FAM53A: variants seen among roughly 807,000 people sequenced by gnomAD.
FAM53A encodes the protein protein FAM53A.
A neutral mutation model predicts 26.6 loss-of-function variants in FAM53A; 28 were observed. That is an observed-to-expected ratio of 1.05 (90% CI 0.78 to 1.45). The LOEUF is 1.45. Among genes scored for constraint, FAM53A ranks in the 40% most tolerant of loss-of-function variants. The pLI, the probability that FAM53A is intolerant of heterozygous loss-of-function variation, is 0.00. For missense variants in FAM53A, 650 were observed against 575.8 expected (o/e 1.13, Z -1.32); for synonymous variants, 290 against 253.1 (o/e 1.15, Z -1.38).
At chr4:1,604,134 C>T in the FAM53A span, among the ~76,000 whole-genome samples, 2 of 152,184 alleles carry the variant, frequency 1.3e-5, no homozygotes, top group Admixed American at 1.3e-4. Context: ...TTGGGGTGGA[C>T]AGGACCCGAG....
At chr4:1,660,155 T>C (rs370403795) in intron 2 of FAM53A, among the ~76,000 whole-genome samples, 1 of 151,912 alleles carries the variant, frequency 6.6e-6, no homozygotes, top group African/African-American at 2.4e-5. Context: ...TGGTGGTGGG[T>C]GCCTGTAATC....
At chr4:1,631,493 G>A (rs758371023) in intron 1 of FAM53A, among the ~76,000 whole-genome samples, 15 of 152,128 alleles carry the variant, frequency 9.9e-5, no homozygotes, top group East Asian at 1.9e-4. Context: ...TGTGTCCCCC[G>A]CTGCCTGGGA....
At chr4:1,593,752 A>G in the FAM53A span, among the ~76,000 whole-genome samples, 2 of 152,096 alleles carry the variant, frequency 1.3e-5, no homozygotes, top group Non-Finnish European at 2.9e-5. Flanking sequence ...ATTCCTGACA[A>G]TTCACTTGTC....
chr4:1,627,116 G>A (rs567190233), intron 1 of FAM53A, among the ~76,000 whole-genome samples: 3 of 152,274 alleles, frequency 2.0e-5, no homozygotes, highest in Admixed American at 6.5e-5. Flanking sequence ...CCCCCAGGTC[G>A]GCCCCCAGGA....
the FAM53A span, among the ~76,000 whole-genome samples, chr4:1,611,236 T>C: frequency 1.3e-5 from 2 of 152,160 alleles, no homozygotes; most frequent in Non-Finnish European, 2.9e-5. Context: ...AGCTCAGTCC[T>C]TGGAGCACTG....
chr4:1,643,235 G>C (rs1014230444), intron 4 of FAM53A, among the ~76,000 whole-genome samples: 1 of 152,144 alleles, frequency 6.6e-6, no homozygotes, highest in Non-Finnish European at 1.5e-5. Flanking sequence ...GGGAGGCCGG[G>C]GCGGGCGGAT....
At position 1,647,655 on chromosome 4, in the gene FAM53A, G is replaced by A. The variant is rs563346771; in HGVS notation, c.883-6048C>T. On this transcript the variant is annotated intron_variant, in intron 4 of 4. Coordinates refer to ENST00000308132, the MANE Select transcript of FAM53A (RefSeq NM_001174070.3). The stretch of plus-strand genomic sequence containing the variant: ...GGGCTGCGCATACCGAGTCCGCCAG[G>A]TGCAAGCACAGCACAGCCGGGGTGC... Among the ~76,000 whole-genome samples, 94 of 152,378 alleles carry A rather than the reference G, an allele frequency of 6.2e-4. 1 individual carries two copies. Among genetic ancestry groups the A allele is most frequent in the Admixed American group, 5.2e-3 (79 of 15,308 alleles).
At chr4:1,581,506 C>T in the FAM53A span, among the ~76,000 whole-genome samples, 5 of 152,358 alleles carry the variant, frequency 3.3e-5, no homozygotes, top group East Asian at 9.6e-4. Flanking sequence ...TTCTCTTCCT[C>T]GTGGTCCTGC....
At chr4:1,644,356 ACAG>A (rs1386348687) in intron 4 of FAM53A, 2 of 1,535,560 alleles carry the variant, frequency 1.3e-6, no homozygotes, top group South Asian at 1.2e-5. Flanking sequence ...GAGCGTGAAA[ACAG>A]CAGGCTCTGA....
chr4:1,623,286 G>A (rs758742397), intron 1 of FAM53A, among the ~76,000 whole-genome samples: 16 of 152,296 alleles, frequency 1.1e-4, no homozygotes, highest in African/African-American at 2.4e-4. Flanking sequence ...CAGCTGCTCC[G>A]TCCTGGGCAG....
chr4:1,658,019 GTC>G (rs1553808428), intron 2 of FAM53A, among the ~76,000 whole-genome samples: 2 of 148,108 alleles, frequency 1.4e-5, no homozygotes, highest in Non-Finnish European at 3.0e-5. Context: ...CTTTTTTTTT[GTC>G]TGTTTTTGAG....
chr4:1,644,337 G>A, intron 4 of FAM53A: 2 of 1,535,914 alleles, frequency 1.3e-6, no homozygotes, highest in Non-Finnish European at 8.7e-7. Flanking sequence ...GGGCACAGCT[G>A]TGCGGCTAGA....
chr4:1,670,025 G>A (rs1287293198), intron 1 of FAM53A, among the ~76,000 whole-genome samples: 3 of 152,200 alleles, frequency 2.0e-5, no homozygotes, highest in Non-Finnish European at 2.9e-5. Flanking sequence ...AAGGCAACCC[G>A]TAGGCAGCAC....
intron 1 of FAM53A, among the ~76,000 whole-genome samples, chr4:1,674,219 C>T (rs923324614): frequency 6.6e-6 from 1 of 152,166 alleles, no homozygotes; most frequent in African/African-American, 2.4e-5. Flanking sequence ...CAGTTCCTGG[C>T]TTATAGCTGT....
At chr4:1,596,905 C>T in the FAM53A span, among the ~76,000 whole-genome samples, 5 of 152,046 alleles carry the variant, frequency 3.3e-5, no homozygotes, top group Admixed American at 6.5e-5. Context: ...GAGGGAGAAA[C>T]GGAGGAGAGG....
Position 1,641,611 on chromosome 4 carries a change from C to T in FAM53A, c.883-4G>A. The T allele has an allele frequency of 1.9e-6, 3 of 1,613,948 alleles. No homozygotes were observed. Among genetic ancestry groups the T allele is most frequent in the East Asian group, 2.2e-5 (1 of 44,878 alleles). ...GGCTTTTTGAATTTTTTAAAGTCTG[C>T]AATAGAAAAGATACGGGCTTAAAGC... On this transcript the variant is annotated splice_region_variant and splice_polypyrimidine_tract_variant and intron_variant, in intron 4 of 4. Coordinates refer to ENST00000308132, the MANE Select transcript of FAM53A (RefSeq NM_001174070.3).
At chr4:1,680,229 G>A (rs1283957021) in intron 1 of FAM53A, among the ~76,000 whole-genome samples, 1 of 138,718 alleles carries the variant, frequency 7.2e-6, no homozygotes, top group Non-Finnish European at 1.5e-5. Flanking sequence ...TGAGGCAGGA[G>A]AATCATTTGA....
rs371267699 is a variant in FAM53A at position 1,659,343 on chromosome 4, G to A, written c.76-1875C>T. Among the ~76,000 whole-genome samples, 2 of 152,340 alleles carry A rather than the reference G, an allele frequency of 1.3e-5. No individual in the cohort carries two copies. Among genetic ancestry groups the A allele is most frequent in the African/African-American group, 2.4e-5 (1 of 41,570 alleles). On this transcript the variant is annotated intron_variant, in intron 2 of 4. Coordinates refer to ENST00000308132, the MANE Select transcript of FAM53A (RefSeq NM_001174070.3). The surrounding 1 kb of genome is among the most constrained non-coding windows in gnomAD (Gnocchi z 5.2). ...GATCCTCCCAGCCCCGGGCCTCCCCGCAGCAAGCACCAGGACCTCGCTCTC... is the reference window on the plus strand; with the variant it reads ...GATCCTCCCAGCCCCGGGCCTCCCCACAGCAAGCACCAGGACCTCGCTCTC...
the FAM53A span, among the ~76,000 whole-genome samples, chr4:1,600,565 G>A: frequency 6.6e-6 from 1 of 152,210 alleles, no homozygotes; most frequent in Non-Finnish European, 1.5e-5. Context: ...CGGCCAGGGT[G>A]AGCAAGAAAG....
Sources: allele counts gnomAD v4.1 joint callset (sites outside exome capture counted in the v4.1 genomes callset), GRCh38; gene constraint gnomAD v4.1.1; non-coding constraint Gnocchi (gnomAD v3.1); transcripts MANE v1.5; gene names NCBI Gene and HGNC (gene_info 2026-07-23, HGNC 2026-07-21).